CACNG3: variants seen among roughly 807,000 people sequenced by gnomAD.
CACNG3 encodes the protein calcium voltage-gated channel auxiliary subunit gamma 3.
Under a neutral mutation model 28.5 loss-of-function variants are expected in CACNG3, and 3 were observed. That is an observed-to-expected ratio of 0.11 (90% CI 0.05 to 0.27). The LOEUF is 0.27. Among genes scored for constraint, CACNG3 ranks in the 10% least tolerant of loss-of-function variants. CACNG3 has a pLI of 1.00. For synonymous variants in CACNG3, 174 were observed against 162.2 expected, an observed-to-expected ratio of 1.07 and a Z score of -0.55; for missense variants, 236 against 414.4, an observed-to-expected ratio of 0.57 and a Z score of 3.74.
At chr16:24,352,857 G>T (rs992304620) in intron 2 of CACNG3, among the ~76,000 whole-genome samples, 2 of 152,136 alleles carry the variant, frequency 1.3e-5, no homozygotes, top group Admixed American at 1.3e-4. Flanking sequence ...GATTCTTGTG[G>T]TTCTACCCGT....
rs77440684 is a variant in CACNG3 at position 24,301,407 on chromosome 16, T to C, written c.211+44442T>C. Among the ~76,000 whole-genome samples the C allele has an allele frequency of 9.4e-3, 1,424 of 152,208 alleles. 47 individuals carry two copies. The East Asian group carries it at 0.1, about 11-fold the overall frequency. ...TCTAGATTCTGTGGAGGTTGAAGAA[T>C]TAACTCTGGAACTGAACAAACCACT... On this transcript the variant is annotated intron_variant, in intron 1 of 3. Coordinates refer to ENST00000005284, the MANE Select transcript of CACNG3 (RefSeq NM_006539.4).
chr16:24,289,709 C>G (rs1171742505), intron 1 of CACNG3, among the ~76,000 whole-genome samples: 1 of 152,216 alleles, frequency 6.6e-6, no homozygotes, highest in Non-Finnish European at 1.5e-5. Flanking sequence ...GCACAGCACG[C>G]TCTGTGGCAC....
At chr16:24,333,207 C>G (rs1451826304) in intron 1 of CACNG3, among the ~76,000 whole-genome samples, 1 of 152,100 alleles carries the variant, frequency 6.6e-6, no homozygotes, top group Non-Finnish European at 1.5e-5. Context: ...ATGCCCCAAC[C>G]CTGCCACTCC....
chr16:24,326,818 C>A (rs1191708275), intron 1 of CACNG3, among the ~76,000 whole-genome samples: 28 of 152,172 alleles, frequency 1.8e-4, no homozygotes, highest in Admixed American at 1.8e-3. Flanking sequence ...GCTCCTCTGG[C>A]AGCTAGAACA....
At chr16:24,319,137 ATT>A (rs1405985373) in intron 1 of CACNG3, among the ~76,000 whole-genome samples, 1 of 152,240 alleles carries the variant, frequency 6.6e-6, no homozygotes, top group Non-Finnish European at 1.5e-5. Context: ...AACCGGGTTG[ATT>A]TAAAGAGTGT....
chr16:24,308,839 C>CAAAAAAAAAAAAAAAAAAAAAAAAAAAA (rs71154298), intron 1 of CACNG3, among the ~76,000 whole-genome samples: 3 of 27,270 alleles, frequency 1.1e-4, no homozygotes, highest in South Asian at 2.1e-3. Flanking sequence ...GAACCTACCT[C>CAAAAAAAAAAAAAAAAAAAAAAAAAAAA]AAAAAAAAAA....
At chr16:24,317,313 G>A (rs528222641) in intron 1 of CACNG3, among the ~76,000 whole-genome samples, 3 of 152,148 alleles carry the variant, frequency 2.0e-5, no homozygotes, top group South Asian at 2.1e-4. Flanking sequence ...AGGCCAAAAC[G>A]GGCGGATCAC....
chr16:24,354,751 C>G, intron 2 of CACNG3, 82 bp from the exon 3 acceptor site: 1 of 1,416,796 alleles, frequency 7.1e-7, no homozygotes, highest in Non-Finnish European at 9.7e-7. Context: ...CTGCCTTCCT[C>G]TCAGGCACTC....
intron 1 of CACNG3, 37 bp from the exon 2 acceptor site, chr16:24,346,697 C>T (rs2141379996): frequency 6.6e-7 from 1 of 1,517,218 alleles, no homozygotes; most frequent in Non-Finnish European, 9.2e-7. Flanking sequence ...AGCTCTGTCT[C>T]CTCCCCCAGG....
intron 1 of CACNG3, among the ~76,000 whole-genome samples, chr16:24,345,249 C>T (rs1899845708): frequency 1.3e-5 from 2 of 152,152 alleles, no homozygotes; most frequent in African/African-American, 4.8e-5. Context: ...ACAATGCCCG[C>T]CCCCCTGATT....
chr16:24,305,470 C>T (rs1018299194), intron 1 of CACNG3, among the ~76,000 whole-genome samples: 3 of 151,832 alleles, frequency 2.0e-5, no homozygotes, highest in Non-Finnish European at 4.4e-5. Flanking sequence ...GGGATCCTCC[C>T]ACCTCAGCCT....
intron 1 of CACNG3, among the ~76,000 whole-genome samples, chr16:24,289,102 TG>T (rs1898931619): frequency 6.6e-6 from 1 of 152,094 alleles, no homozygotes; most frequent in Admixed American, 6.5e-5. Context: ...GGAAACCGCA[TG>T]TCTACAAAGG....
chr16:24,290,154 G>A (rs62029006), intron 1 of CACNG3, among the ~76,000 whole-genome samples: 30,857 of 152,064 alleles, frequency 0.2, 3,597 homozygotes, highest in Non-Finnish European at 0.28. Flanking sequence ...ATATATTTGT[G>A]GATTTATACC....
chr16:24,307,991 G>A (rs184922601), intron 1 of CACNG3, among the ~76,000 whole-genome samples: 112 of 152,200 alleles, frequency 7.4e-4, no homozygotes, highest in African/African-American at 2.6e-3. Flanking sequence ...TTGGTCCAAT[G>A]GTGCAAGATC....
intron 1 of CACNG3, among the ~76,000 whole-genome samples, chr16:24,337,303 C>A (rs890319784): frequency 6.6e-6 from 1 of 152,162 alleles, no homozygotes; most frequent in Non-Finnish European, 1.5e-5. Flanking sequence ...CCGATTTCTC[C>A]CCCAGATTGC....
chr16:24,355,601 A>T (rs1900020344), intron 3 of CACNG3, among the ~76,000 whole-genome samples: 1 of 152,112 alleles, frequency 6.6e-6, no homozygotes, highest in Non-Finnish European at 1.5e-5. Flanking sequence ...AAATAAGTAA[A>T]TGTAAAAATA....
chr16:24,265,103 G>A (rs1043478282), intron 1 of CACNG3, among the ~76,000 whole-genome samples: 1 of 152,106 alleles, frequency 6.6e-6, no homozygotes, highest in East Asian at 1.9e-4. Context: ...TTAGCCAGGT[G>A]TGCTGGCATG....
At chr16:24,276,879 G>A (rs1293644369) in intron 1 of CACNG3, among the ~76,000 whole-genome samples, 1 of 152,184 alleles carries the variant, frequency 6.6e-6, no homozygotes, top group African/African-American at 2.4e-5. Flanking sequence ...AAAAAACTGA[G>A]ATTTTTGACC....
intron 2 of CACNG3, among the ~76,000 whole-genome samples, chr16:24,348,736 A>G (rs2141380893): frequency 6.6e-6 from 1 of 152,350 alleles, no homozygotes; most frequent in Non-Finnish European, 1.5e-5. Context: ...TCTTCTCAAT[A>G]GAGAATGGCA....
Sources: gnomAD v4.1 joint callset for allele counts (sites outside exome capture counted in the v4.1 genomes callset) on GRCh38, gnomAD v4.1.1 for gene constraint, MANE v1.5 for transcripts, NCBI Gene and HGNC (gene_info 2026-07-23, HGNC 2026-07-21) for gene names.